The following SHOX variants were observed in gnomAD, a reference collection of about 807,000 sequenced individuals.
SHOX encodes the protein short stature homeobox protein.
Under a neutral mutation model 29.6 loss-of-function variants are expected in SHOX, and 12 were observed. That is an observed-to-expected ratio of 0.41 (90% CI 0.26 to 0.66). The LOEUF is 0.66. Ranked by LOEUF, SHOX falls within the 30% of genes least tolerant of loss-of-function variation. The pLI, the probability that SHOX is intolerant of heterozygous loss-of-function variation, is 0.35. For missense variants in SHOX, 499 were observed against 437.7 expected (o/e 1.14, Z -1.25); for synonymous variants, 214 against 200.6 (o/e 1.07, Z -0.57).
chrX:636,359 T>TATAAATATATAAAC (rs1360922397), intron 2 of SHOX, among the ~76,000 whole-genome samples: 5,102 of 99,280 alleles, frequency 0.051, 132 homozygotes, highest in South Asian at 0.1. Flanking sequence ...TATATAAACA[T>TATAAATATATAAAC]ATATAAATAT....
rs1055783184 is a variant in SHOX at position 651,235 on chromosome X, T to C, written c.*6599T>C. On this transcript the variant is annotated 3_prime_UTR_variant, in exon 5 of 5. Coordinates refer to ENST00000686671, the MANE Select transcript of SHOX (RefSeq NM_000451.4). ...TTGCTTTTTCTTTTTCCCTCCCCCA[T>C]TGACGACATAGCGGCCCCCGCGTCC... The C allele has an allele frequency of 1.8e-5, 8 of 448,494 alleles. No individual in the cohort carries two copies. Among genetic ancestry groups the C allele is most frequent in the African/African-American group, 1.6e-4 (8 of 49,942 alleles). 27.8% of individuals were successfully genotyped at this position (448,494 alleles called of 1,614,324 possible).
At chrX:625,945 G>C (rs1229199440), upstream of SHOX, among the ~76,000 whole-genome samples, 1 of 75,574 alleles carries the variant, frequency 1.3e-5, no homozygotes. Context: ...CTTTCTCTCT[G>C]TCTTCGTTCC....
rs773053614 is a variant in SHOX at position 640,555 on chromosome X, G to A, written c.487-266G>A. Among the ~76,000 whole-genome samples the A allele has an allele frequency of 1.1e-4, 16 of 152,188 alleles. No individual in the cohort carries two copies. The South Asian group carries it at 2.3e-3, about 22-fold the overall frequency. On this transcript the variant is annotated intron_variant, in intron 2 of 4. Coordinates refer to ENST00000686671, the MANE Select transcript of SHOX (RefSeq NM_000451.4). Reference sequence around the variant, plus strand: ...AGTGCCACTGCACTCCAGCCTGGGCGACAGAGCGAGACTTGATTTCAGAAC... The same window carrying A: ...AGTGCCACTGCACTCCAGCCTGGGCAACAGAGCGAGACTTGATTTCAGAAC...
intron 1 of SHOX, chrX:632,101 T>C: frequency 4.7e-6 from 2 of 426,548 alleles, no homozygotes; most frequent in Non-Finnish European, 9.6e-6. Flanking sequence ...CGAAAGCTGT[T>C]GGGTCCATAA....
downstream of SHOX, among the ~76,000 whole-genome samples, chrX:655,275 T>C (rs1187864542): frequency 2.0e-5 from 3 of 151,620 alleles, no homozygotes; most frequent in East Asian, 5.9e-4. Flanking sequence ...GCCCGGCTAA[T>C]TTTTTGTATG....
intron 2 of SHOX, 61 bp downstream of exon 2, chrX:634,887 C>A: frequency 1.3e-6 from 2 of 1,516,118 alleles, no homozygotes; most frequent in Admixed American, 2.0e-5. Flanking sequence ...CGGGAGCGCA[C>A]AGCACGCGTA....
intron 5 of SHOX, among the ~76,000 whole-genome samples, chrX:658,066 C>T (rs766617372): frequency 1.3e-5 from 2 of 152,072 alleles, no homozygotes; most frequent in South Asian, 2.1e-4. Flanking sequence ...CCTCAGCCTC[C>T]CAGGTACAAG....
At chrX:635,425 G>C (rs1050650943) in intron 2 of SHOX, among the ~76,000 whole-genome samples, 4 of 152,118 alleles carry the variant, frequency 2.6e-5, no homozygotes, top group Admixed American at 1.3e-4. Context: ...AGAGAAACAG[G>C]GTCTTCTCTT....
chrX:644,269 T>G, intron 4 of SHOX, 122 bp from the exon 5 acceptor site: 1 of 1,275,784 alleles, frequency 7.8e-7, no homozygotes, highest in Non-Finnish European at 1.0e-6. Context: ...TCTCCACGGC[T>G]GGAGAAGGGG....
chrX:639,647 C>T lies in SHOX; in HGVS notation c.487-1174C>T, dbSNP rs760940406. On this transcript the variant is annotated intron_variant, in intron 2 of 4. Transcript: ENST00000686671. ...ACTGGCTCGGAACTCACTTTTTCAC[C>T]TTAAGTTCATCAGCGGTAACGCATA... 8.5e-5 allele frequency among the ~76,000 whole-genome samples: 13 copies of T among 152,344 alleles called. No individual in the cohort carries two copies. In the South Asian group the frequency reaches 2.3e-3, roughly 27 times the overall value.
At chrX:632,291 G>A (rs1310387934) in intron 1 of SHOX, among the ~76,000 whole-genome samples, 1 of 152,130 alleles carries the variant, frequency 6.6e-6, no homozygotes, top group African/African-American at 2.4e-5. Flanking sequence ...GGGTCGTCCC[G>A]TGGTGGAAAT....
In SHOX at chrX:648,757, T is replaced by A. The variant is rs1603289684; in HGVS notation, c.*4121T>A. On this transcript the variant is annotated 3_prime_UTR_variant, in exon 5 of 5. Coordinates refer to ENST00000686671, the MANE Select transcript of SHOX (RefSeq NM_000451.4). ...TGACTTTCTGTAGGTGGATGAGTGA[T>A]CCCTGAATGAGTGTGGGGTACGTGT... Among the ~76,000 whole-genome samples, 1 of 152,044 alleles carries A rather than the reference T, an allele frequency of 6.6e-6. No individual in the cohort carries two copies. The highest frequency in any genetic ancestry group is 2.4e-5 in the African/African-American group (1 of 41,396).
downstream of SHOX, among the ~76,000 whole-genome samples, chrX:652,582 C>T (rs757695360): frequency 4.6e-5 from 7 of 152,128 alleles, no homozygotes; most frequent in South Asian, 1.2e-3. Context: ...TCTCCGACAC[C>T]TCCCCAGTTG....
At chrX:655,934 C>A (rs775359452), downstream of SHOX, among the ~76,000 whole-genome samples, 2 of 151,678 alleles carry the variant, frequency 1.3e-5, no homozygotes, top group South Asian at 4.2e-4. Context: ...TCTCAGCACT[C>A]TGGGAGGCTG....
rs2052949106 is a variant in SHOX at position 645,411 on chromosome X, T to A, written c.*775T>A. On this transcript the variant is annotated 3_prime_UTR_variant, in exon 5 of 5. Transcript: ENST00000686671. Reference sequence around the variant, plus strand: ...TGGTATTTTTTTTTTTTTTTTTTTTTTTTTTTTTTTTTGCTGTGTTACAGG... The same window carrying A: ...TGGTATTTTTTTTTTTTTTTTTTTTATTTTTTTTTTTTGCTGTGTTACAGG... 1 of 143,412 alleles carries A rather than the reference T, an allele frequency of 7.0e-6. No homozygotes were observed. Among genetic ancestry groups the A allele is most frequent in the African/African-American group, 2.6e-5 (1 of 38,788 alleles). 8.9% of individuals were successfully genotyped at this position (143,412 alleles called of 1,614,324 possible).
At chrX:655,600 CTCTCTCTCTCTCTCTATA>C (rs1428895529), downstream of SHOX, among the ~76,000 whole-genome samples, 125 of 54,048 alleles carry the variant, frequency 2.3e-3, no homozygotes, top group Admixed American at 4.0e-3. Context: ...CTCTCTCTCT[CTCTCTCTCTCTCTCTATA>C]TATATATATA....
At chrX:631,445 C>T (rs1015102688) in intron 1 of SHOX, among the ~76,000 whole-genome samples, 8 of 152,180 alleles carry the variant, frequency 5.3e-5, no homozygotes, top group Non-Finnish European at 8.8e-5. Flanking sequence ...GGGAAGGTCC[C>T]GGGCTGGGGT....
At chrX:658,295 G>T (rs148127809) in intron 5 of SHOX, among the ~76,000 whole-genome samples, 1 of 151,884 alleles carries the variant, frequency 6.6e-6, no homozygotes, top group African/African-American at 2.4e-5. Flanking sequence ...TTTTTAGCGG[G>T]TATTAAAGCA....
At chrX:625,185 G>C (rs765206539) in intron 1 of SHOX, among the ~76,000 whole-genome samples, 3 of 88,062 alleles carry the variant, frequency 3.4e-5, no homozygotes, top group South Asian at 4.2e-4. Context: ...CCCCTTCATC[G>C]TCCCTCCTCC....
Sources: gnomAD v4.1 joint callset for allele counts (sites outside exome capture counted in the v4.1 genomes callset) on GRCh38, gnomAD v4.1.1 for gene constraint, MANE v1.5 for transcripts, NCBI Gene and HGNC (gene_info 2026-07-23, HGNC 2026-07-21) for gene names.